GNG4: variants seen among roughly 807,000 people sequenced by gnomAD.
The protein encoded by GNG4 is guanine nucleotide-binding protein G(I)/G(S)/G(O) subunit gamma-4.
GNG4 carries 4 observed loss-of-function variants against 5.8 expected under a neutral mutation model. The observed-to-expected ratio is 0.69, with a 90% CI of 0.34 to 1.57. GNG4 has a LOEUF of 1.57. GNG4 is among the 40% of genes most tolerant of loss of function. The pLI is 0.06. For synonymous variants in GNG4, 29 were observed against 32.9 expected, an observed-to-expected ratio of 0.88 and a Z score of 0.41; for missense variants, 96 against 95.1, an observed-to-expected ratio of 1.01 and a Z score of -0.04.
intron 3 of GNG4, among the ~76,000 whole-genome samples, chr1:235,580,460 G>A (rs1266414092): frequency 6.6e-6 from 1 of 152,186 alleles, no homozygotes; most frequent in Non-Finnish European, 1.5e-5. Flanking sequence ...TAATGTTCAA[G>A]GGTGTCCAAG....
chr1:235,609,887 GA>G lies in GNG4; in HGVS notation c.-122-14377del, dbSNP rs970849614. On this transcript the variant is annotated intron_variant, in intron 1 of 3. Transcript: ENST00000391854. The stretch of plus-strand genomic sequence containing the variant: ...GAGACCCTGTCTCAAAAAAAGAAAA[GA>G]AAAAAAAAGTTTCTTGAACCACTTG... Among the ~76,000 whole-genome samples the G allele has an allele frequency of 8.6e-5, 13 of 150,834 alleles. No homozygotes were observed. In the South Asian group the frequency reaches 1.9e-3, roughly 22 times the overall value.
Position 235,644,607 on chromosome 1 carries a change from G to T in GNG4, c.-123+5055C>A, listed in dbSNP as rs1410976498. On this transcript the variant is annotated intron_variant, in intron 1 of 3. Transcript: ENST00000391854. This position sits in a 1 kb window ranked among gnomAD's most constrained non-coding sequence, Gnocchi z 5.9. ...CCGGGGGGATAAACAAGCACCTTCA[G>T]ACTAGAGCAGCTTCTGAGTGATACG... Among the ~76,000 whole-genome samples, 1 of 152,216 alleles carries T rather than the reference G, an allele frequency of 6.6e-6. No individual in the cohort carries two copies. Among genetic ancestry groups the T allele is most frequent in the Non-Finnish European group, 1.5e-5 (1 of 68,030 alleles).
rs1686755325 is a variant in GNG4 at position 235,551,727 on chromosome 1, T to C, written c.*382A>G. ...AAATGCTCTAATTTGATACTGAATATTGCAAATAAGGGATATTTAGGCATA... is the reference window on the plus strand; with the variant it reads ...AAATGCTCTAATTTGATACTGAATACTGCAAATAAGGGATATTTAGGCATA... On this transcript the variant is annotated 3_prime_UTR_variant, in exon 4 of 4. Coordinates refer to ENST00000391854, the MANE Select transcript of GNG4 (RefSeq NM_001098722.2). 1 of 159,696 alleles carries C rather than the reference T, an allele frequency of 6.3e-6. No individual in the cohort carries two copies. Among genetic ancestry groups the C allele is most frequent in the South Asian group, 1.8e-4 (1 of 5,712 alleles). 9.9% of individuals were successfully genotyped at this position (159,696 alleles called of 1,614,324 possible).
intron 3 of GNG4, chr1:235,566,177 G>GT: frequency 6.6e-6 from 1 of 152,358 alleles, no homozygotes; most frequent in Non-Finnish European, 1.5e-5. Flanking sequence ...GAGTGAAATC[G>GT]TGAGTGTTCT....
intron 1 of GNG4, among the ~76,000 whole-genome samples, chr1:235,629,637 C>T (rs1688893594): frequency 6.6e-6 from 1 of 151,054 alleles, no homozygotes; most frequent in Admixed American, 6.6e-5. Context: ...TGCTCTGTTG[C>T]CCAGGCTGAA....
intron 1 of GNG4, among the ~76,000 whole-genome samples, chr1:235,620,874 A>C (rs1452515172): frequency 6.6e-6 from 1 of 152,210 alleles, no homozygotes; most frequent in East Asian, 1.9e-4. Flanking sequence ...TAGAAGTCTA[A>C]GGAATAGCCA....
intron 3 of GNG4, among the ~76,000 whole-genome samples, chr1:235,574,793 A>G (rs1386633550): frequency 6.6e-6 from 1 of 152,020 alleles, no homozygotes; most frequent in African/African-American, 2.4e-5. Context: ...AAGATTGTTA[A>G]TAACTGCCAG....
intron 2 of GNG4, among the ~76,000 whole-genome samples, chr1:235,589,672 C>T (rs536866891): frequency 6.6e-6 from 1 of 152,244 alleles, no homozygotes; most frequent in Admixed American, 6.5e-5. Context: ...TCTGCAGGGA[C>T]TCATAGGGAG....
intron 2 of GNG4, among the ~76,000 whole-genome samples, chr1:235,594,580 G>T (rs957526954): frequency 6.6e-6 from 1 of 152,204 alleles, no homozygotes; most frequent in Admixed American, 6.5e-5. Context: ...TGCCCCGCAG[G>T]GAGGCAGCTA....
chr1:235,636,922 C>T (rs762981530), intron 1 of GNG4, among the ~76,000 whole-genome samples: 1 of 150,888 alleles, frequency 6.6e-6, no homozygotes, highest in Non-Finnish European at 1.5e-5. Context: ...CCCTGGGTGC[C>T]GTCCTTGCTC....
chr1:235,606,944 C>CTTTTTTTTT (rs1181596456), intron 1 of GNG4, among the ~76,000 whole-genome samples: 2 of 123,720 alleles, frequency 1.6e-5, no homozygotes, highest in Admixed American at 8.1e-5. Flanking sequence ...CCTTTCTTTC[C>CTTTTTTTTT]TTTTTTTTTT....
intron 2 of GNG4, among the ~76,000 whole-genome samples, chr1:235,588,010 C>A (rs1268922570): frequency 6.6e-6 from 1 of 151,780 alleles, no homozygotes; most frequent in East Asian, 1.9e-4. Flanking sequence ...AGCAGCAGAG[C>A]CGACTCTCAG....
chr1:235,570,911 TACATATATATATACACACACACAC>T lies in GNG4; in HGVS notation c.99+12805_99+12828del, dbSNP rs1687322015. On this transcript the variant is annotated intron_variant, in intron 3 of 3. Transcript: ENST00000391854. ...GTATGTATATATGTGTGTGTGTGTA[TACATATATATATACACACACACAC>T]ACACACACACATATATATATACATA... Among the ~76,000 whole-genome samples, 9 of 77,158 alleles carry T rather than the reference TACATATATATATACACACACACAC, an allele frequency of 1.2e-4. No individual in the cohort carries two copies. In the South Asian group the frequency reaches 3.3e-3, roughly 28 times the overall value. The allele number at this position is 77,158 out of a possible 152,430, so 50.6% of individuals were successfully genotyped here.
chr1:235,637,379 G>A (rs1001280511), intron 1 of GNG4, among the ~76,000 whole-genome samples: 17 of 152,140 alleles, frequency 1.1e-4, no homozygotes, highest in Non-Finnish European at 8.8e-5. Context: ...GAGGCTGGGC[G>A]CGGTGGCTCA....
chr1:235,581,494 G>A (rs1439468455), intron 3 of GNG4, among the ~76,000 whole-genome samples: 3 of 151,386 alleles, frequency 2.0e-5, no homozygotes, highest in Non-Finnish European at 4.4e-5. Context: ...ACACCTGGGC[G>A]ACAGAGCGAG....
At chr1:235,637,734 C>T (rs1571926711) in intron 1 of GNG4, among the ~76,000 whole-genome samples, 5 of 151,964 alleles carry the variant, frequency 3.3e-5, no homozygotes, top group South Asian at 2.1e-4. Context: ...GGAGAATTTT[C>T]GATGCATAAG....
intron 1 of GNG4, chr1:235,616,479 A>G (rs1035220798): frequency 8.8e-6 from 2 of 226,178 alleles, no homozygotes; most frequent in Non-Finnish European, 1.7e-5. Context: ...CCATCCACAA[A>G]GCACCGTGGA....
chr1:235,636,101 G>A (rs1210751048), intron 1 of GNG4, among the ~76,000 whole-genome samples: 1 of 152,176 alleles, frequency 6.6e-6, no homozygotes, highest in East Asian at 1.9e-4. Context: ...ACTAGTGTAG[G>A]GAGGAACTGG....
At chr1:235,587,669 ACTGTGGGGTATGTGTGC>A (rs1687843563) in intron 2 of GNG4, among the ~76,000 whole-genome samples, 6 of 4,660 alleles carry the variant, frequency 1.3e-3, no homozygotes, top group African/African-American at 1.9e-3. Context: ...TGTGTGTGTG[ACTGTGGGGTATGTGTGC>A]GAGTGTTGGG....
Sources: allele counts gnomAD v4.1 joint callset (sites outside exome capture counted in the v4.1 genomes callset), GRCh38; gene constraint gnomAD v4.1.1; non-coding constraint Gnocchi (gnomAD v3.1); transcripts MANE v1.5; gene names NCBI Gene and HGNC (gene_info 2026-07-23, HGNC 2026-07-21).